Variants in TOX3 observed in about 807,000 individuals in gnomAD.
TOX3 encodes CAG trinucleotide repeat-containing gene F9 protein.
In TOX3, 22 loss-of-function variants were observed where a neutral mutation model predicts 64.3. The observed-to-expected ratio is 0.34, with a 90% CI of 0.24 to 0.49. The LOEUF (loss-of-function observed/expected upper bound fraction) is 0.49, where lower values mean the gene tolerates loss of function less well. Among genes scored for constraint, TOX3 ranks in the 20% least tolerant of loss-of-function variants. The pLI is 0.99. For synonymous variants in TOX3, 291 were observed against 273.6 expected, an observed-to-expected ratio of 1.06 and a Z score of -0.63; for missense variants, 661 against 714.4, an observed-to-expected ratio of 0.93 and a Z score of 0.85.
intron 6 of TOX3, among the ~76,000 whole-genome samples, chr16:52,440,393 G>T (rs1216692299): frequency 2.6e-5 from 4 of 152,170 alleles, no homozygotes; most frequent in Non-Finnish European, 5.9e-5. Context: ...AGCAAGACTA[G>T]CTGGTTCTAC....
chr16:52,512,310 G>T (rs542713826), intron 1 of TOX3, among the ~76,000 whole-genome samples: 1 of 152,294 alleles, frequency 6.6e-6, no homozygotes, highest in African/African-American at 2.4e-5. Flanking sequence ...AGTACCAGGA[G>T]GTTTCAAAGG....
At chr16:52,508,614 G>T (rs1596840920) in intron 1 of TOX3, among the ~76,000 whole-genome samples, 1 of 152,026 alleles carries the variant, frequency 6.6e-6, no homozygotes, top group African/African-American at 2.4e-5. Context: ...ATTATTAGGG[G>T]ATAAAGAGAT....
chr16:52,484,515 CAT>C (rs1418835472), intron 1 of TOX3, among the ~76,000 whole-genome samples: 3 of 152,014 alleles, frequency 2.0e-5, no homozygotes, highest in Non-Finnish European at 1.5e-5. Context: ...TGTAAATAAA[CAT>C]AAATTCTGAA....
intron 1 of TOX3, among the ~76,000 whole-genome samples, chr16:52,528,578 A>G (rs766722302): frequency 6.6e-6 from 1 of 152,116 alleles, no homozygotes; most frequent in Non-Finnish European, 1.5e-5. Flanking sequence ...TCTCTCTCGC[A>G]CCGTGCCAGC....
At chr16:52,449,526 T>A (rs1406906087) in intron 4 of TOX3, among the ~76,000 whole-genome samples, 1 of 152,190 alleles carries the variant, frequency 6.6e-6, no homozygotes, top group Non-Finnish European at 1.5e-5. Context: ...ATTATATCAC[T>A]AATCACATAT....
chr16:52,515,399 C>A (rs1962428440), intron 1 of TOX3, among the ~76,000 whole-genome samples: 1 of 152,094 alleles, frequency 6.6e-6, no homozygotes, highest in Non-Finnish European at 1.5e-5. Context: ...AGCTGCAGAA[C>A]AAATCATTCC....
chr16:52,520,823 T>C (rs916296620), intron 1 of TOX3, among the ~76,000 whole-genome samples: 1 of 152,178 alleles, frequency 6.6e-6, no homozygotes, highest in Admixed American at 6.5e-5. Flanking sequence ...TTTTAATTTG[T>C]TTTTCAGAGC....
intron 1 of TOX3, among the ~76,000 whole-genome samples, chr16:52,534,463 C>T (rs1195886378): frequency 2.6e-5 from 4 of 151,924 alleles, no homozygotes; most frequent in African/African-American, 9.7e-5. Flanking sequence ...CATAGTGAGA[C>T]CCCATCTCTA....
At chr16:52,531,858 C>T (rs1261663148) in intron 1 of TOX3, among the ~76,000 whole-genome samples, 2 of 151,820 alleles carry the variant, frequency 1.3e-5, no homozygotes, top group Admixed American at 6.6e-5. Flanking sequence ...ATACTGATGG[C>T]TGAAAGAAAA....
intron 1 of TOX3, among the ~76,000 whole-genome samples, chr16:52,468,853 TG>T: frequency 6.6e-6 from 1 of 152,284 alleles, no homozygotes; most frequent in East Asian, 1.9e-4. Flanking sequence ...GTCACCAGTG[TG>T]TGTTGCTTAT....
chr16:52,444,193 G>T, intron 6 of TOX3, 83 bp downstream of exon 6: 2 of 1,048,828 alleles, frequency 1.9e-6, no homozygotes, highest in East Asian at 2.8e-5. Context: ...TTTTAGGGGA[G>T]CTACAAGTAT....
intron 1 of TOX3, among the ~76,000 whole-genome samples, chr16:52,542,269 G>A (rs1026174348): frequency 1.3e-5 from 2 of 152,120 alleles, no homozygotes; most frequent in Admixed American, 6.5e-5. Flanking sequence ...TACATAGTTG[G>A]ACATGGGAGC....
chr16:52,498,594 G>A (rs535719622), intron 1 of TOX3, among the ~76,000 whole-genome samples: 7 of 152,226 alleles, frequency 4.6e-5, no homozygotes, highest in African/African-American at 1.4e-4. Flanking sequence ...GGGTTGGGGG[G>A]GGGAGGCTGT....
intron 1 of TOX3, among the ~76,000 whole-genome samples, chr16:52,475,891 A>AAC (rs1961193678): frequency 2.0e-5 from 3 of 152,160 alleles, no homozygotes; most frequent in Non-Finnish European, 4.4e-5. Context: ...GGACCCTAAT[A>AAC]CATGTATTTT....
chr16:52,475,293 T>C (rs1468615791), intron 1 of TOX3, among the ~76,000 whole-genome samples: 1 of 152,134 alleles, frequency 6.6e-6, no homozygotes, highest in African/African-American at 2.4e-5. Flanking sequence ...TAGGCACAAA[T>C]GAATTTCTGG....
chr16:52,450,650 T>G, intron 3 of TOX3, 104 bp from the exon 4 acceptor site: 1 of 1,410,462 alleles, frequency 7.1e-7, no homozygotes, highest in East Asian at 2.3e-5. Flanking sequence ...GTTGCAATGT[T>G]GATAGGTCTG....
At chr16:52,520,936 A>T (rs966883309) in intron 1 of TOX3, among the ~76,000 whole-genome samples, 2 of 152,230 alleles carry the variant, frequency 1.3e-5, no homozygotes, top group Non-Finnish European at 2.9e-5. Context: ...TGTTAACAAA[A>T]GGACACTTTA....
intron 1 of TOX3, among the ~76,000 whole-genome samples, chr16:52,477,493 A>G (rs1961242105): frequency 6.6e-6 from 1 of 152,196 alleles, no homozygotes; most frequent in South Asian, 2.1e-4. Context: ...CAGGAGGTTG[A>G]AAGTGTCTAG....
At chr16:52,482,068 G>C (rs2151449699) in intron 1 of TOX3, among the ~76,000 whole-genome samples, 1 of 152,248 alleles carries the variant, frequency 6.6e-6, no homozygotes, top group Non-Finnish European at 1.5e-5. Flanking sequence ...ATTAGTTTGA[G>C]TATGTGGCTA....
Sources: gnomAD v4.1 joint callset for allele counts (sites outside exome capture counted in the v4.1 genomes callset) on GRCh38, gnomAD v4.1.1 for gene constraint, MANE v1.5 for transcripts, NCBI Gene and HGNC (gene_info 2026-07-23, HGNC 2026-07-21) for gene names.